The following SAMMSON variants were observed in gnomAD, a reference collection of about 807,000 sequenced individuals.
SAMMSON encodes long intergenic non-protein coding RNA 1212.
chr3:70,166,388 A>T (rs1439771152), intron 4 of SAMMSON, among the ~76,000 whole-genome samples: 1 of 152,054 alleles, frequency 6.6e-6, no homozygotes, highest in East Asian at 1.9e-4. Flanking sequence ...GAAGAATAGC[A>T]GTTACCCCTG....
intron 7 of SAMMSON, among the ~76,000 whole-genome samples, chr3:70,317,017 C>T (rs922818608): frequency 1.3e-5 from 2 of 151,926 alleles, no homozygotes; most frequent in African/African-American, 2.4e-5. Flanking sequence ...TTCTTGGTTC[C>T]TCTGGGGGTT....
rs576584844 is a variant in SAMMSON, at chr3:70,012,297, T to C, written n.23-60T>C. ...TTACCTTTACAAGGGAAAGTGGACT[T>C]TGTAGATGTGATTAAGAATCTTGAG... On this transcript the variant is annotated intron_variant and non_coding_transcript_variant, in intron 1 of 9. Transcript: ENST00000642114. 2.6e-5 allele frequency: 4 copies of C among 152,194 alleles called. No individual in the cohort carries two copies. The South Asian group carries it at 8.3e-4, about 32-fold the overall frequency. The allele number at this position is 152,194 out of a possible 1,614,324, so 9.4% of individuals were successfully genotyped here.
intron 1 of SAMMSON, among the ~76,000 whole-genome samples, chr3:70,007,514 G>T (rs1452556236): frequency 1.3e-5 from 2 of 151,880 alleles, no homozygotes; most frequent in Non-Finnish European, 2.9e-5. Flanking sequence ...ATGTAACTTT[G>T]TTTGAGTTCA....
intron 4 of SAMMSON, among the ~76,000 whole-genome samples, chr3:70,124,621 G>A (rs746334037): frequency 6.6e-6 from 1 of 151,808 alleles, no homozygotes; most frequent in South Asian, 2.1e-4. Flanking sequence ...GACCATTCTG[G>A]CTAACACAGT....
At chr3:70,017,657 G>A (rs1313021790) in intron 3 of SAMMSON, among the ~76,000 whole-genome samples, 1 of 152,110 alleles carries the variant, frequency 6.6e-6, no homozygotes, top group Non-Finnish European at 1.5e-5. Flanking sequence ...TCCCTGTCTT[G>A]TGCCAGTTTT....
intron 4 of SAMMSON, among the ~76,000 whole-genome samples, chr3:70,163,868 A>G (rs1328204049): frequency 6.6e-6 from 1 of 152,184 alleles, no homozygotes; most frequent in South Asian, 2.1e-4. Context: ...GCTACCAAAC[A>G]CTAGGTTTAC....
chr3:70,178,148 G>T (rs932598576), intron 4 of SAMMSON, among the ~76,000 whole-genome samples: 2 of 152,072 alleles, frequency 1.3e-5, no homozygotes, highest in Admixed American at 6.5e-5. Flanking sequence ...CTGTCCTATT[G>T]TCTTATGAGG....
intron 7 of SAMMSON, among the ~76,000 whole-genome samples, chr3:70,339,439 A>G (rs920068348): frequency 1.3e-5 from 2 of 152,240 alleles, no homozygotes; most frequent in African/African-American, 4.8e-5. Context: ...TGCACAGCAA[A>G]AGAAACTACC....
intron 3 of SAMMSON, among the ~76,000 whole-genome samples, chr3:70,061,014 G>A (rs1195841945): frequency 1.3e-5 from 2 of 151,988 alleles, no homozygotes; most frequent in African/African-American, 4.8e-5. Context: ...AACTGGAGAC[G>A]ATGCCAATGA....
chr3:70,332,144 T>C (rs1033797531), intron 7 of SAMMSON, among the ~76,000 whole-genome samples: 11 of 152,218 alleles, frequency 7.2e-5, no homozygotes, highest in Non-Finnish European at 1.5e-4. Context: ...TAAGCAGATA[T>C]ATTAGAATGA....
intron 4 of SAMMSON, among the ~76,000 whole-genome samples, chr3:70,144,499 C>CA (rs1465259115): frequency 6.6e-6 from 1 of 152,158 alleles, no homozygotes; most frequent in Non-Finnish European, 1.5e-5. Flanking sequence ...GCATGTATTT[C>CA]AAGTTCATAT....
chr3:70,005,521 A>G (rs1269694918), intron 1 of SAMMSON, among the ~76,000 whole-genome samples: 1 of 152,116 alleles, frequency 6.6e-6, no homozygotes, highest in Non-Finnish European at 1.5e-5. Context: ...TCTACATTCA[A>G]AGTGGAAGCT....
chr3:70,114,637 A>C (rs1308285800), intron 4 of SAMMSON, among the ~76,000 whole-genome samples: 1 of 152,166 alleles, frequency 6.6e-6, no homozygotes, highest in Non-Finnish European at 1.5e-5. Context: ...TGATCTCTTG[A>C]CCAAAAAATG....
At chr3:70,245,978 T>G (rs549628218) in intron 4 of SAMMSON, among the ~76,000 whole-genome samples, 17 of 151,568 alleles carry the variant, frequency 1.1e-4, no homozygotes, top group African/African-American at 3.4e-4. Context: ...GGTAGGGAAC[T>G]GAAATTGACA....
intron 6 of SAMMSON, among the ~76,000 whole-genome samples, chr3:70,289,751 G>A (rs1485120910): frequency 2.0e-5 from 3 of 152,130 alleles, no homozygotes; most frequent in Non-Finnish European, 2.9e-5. Context: ...TGGAGGGTTT[G>A]CTCGTTTCTT....
intron 7 of SAMMSON, among the ~76,000 whole-genome samples, chr3:70,345,000 T>C (rs1341046477): frequency 6.6e-6 from 1 of 152,224 alleles, no homozygotes; most frequent in Non-Finnish European, 1.5e-5. Context: ...ACCTTCTTAG[T>C]TGGCAGAGCA....
intron 7 of SAMMSON, among the ~76,000 whole-genome samples, chr3:70,345,649 C>T (rs1349160572): frequency 6.6e-6 from 1 of 152,196 alleles, no homozygotes; most frequent in Non-Finnish European, 1.5e-5. Flanking sequence ...GAACCCTCCC[C>T]TCATCCCCTC....
Position 70,301,755 on chromosome 3 carries a change from C to G in SAMMSON, n.739+10512C>G, listed in dbSNP as rs994215814. On this transcript the variant is annotated intron_variant and non_coding_transcript_variant, in intron 7 of 9. Transcript: ENST00000642114. ...TCTCAAGAAGATTTATTTATATAAA[C>G]TTTTCATATTTTATGGAATTTATAT... Among the ~76,000 whole-genome samples, 4 of 152,032 alleles carry G rather than the reference C, an allele frequency of 2.6e-5. No individual in the cohort carries two copies. In the South Asian group the frequency reaches 6.2e-4, roughly 24 times the overall value.
At chr3:70,044,652 G>A (rs762140754) in intron 3 of SAMMSON, among the ~76,000 whole-genome samples, 1 of 151,726 alleles carries the variant, frequency 6.6e-6, no homozygotes, top group South Asian at 2.1e-4. Flanking sequence ...CTAAGGAGTA[G>A]AAATTTTCCT....
Sources: allele counts gnomAD v4.1 joint callset (sites outside exome capture counted in the v4.1 genomes callset), GRCh38; gene constraint gnomAD v4.1.1; transcripts MANE v1.5; gene names NCBI Gene and HGNC (gene_info 2026-07-23, HGNC 2026-07-21).